Variants in NIBAN2 observed in about 807,000 individuals in gnomAD.
The protein encoded by NIBAN2 is protein Niban 2.
Under a neutral mutation model 81.8 loss-of-function variants are expected in NIBAN2, and 36 were observed. The ratio of observed to expected loss-of-function variants is 0.44; its 90% CI spans 0.34 to 0.58. The LOEUF (loss-of-function observed/expected upper bound fraction) is 0.58. Ranked by LOEUF, NIBAN2 falls within the 20% of genes least tolerant of loss-of-function variation. The pLI is 0.02. For missense variants in NIBAN2, 897 were observed against 1,014.1 expected (o/e 0.88, Z 1.57); for synonymous variants, 445 against 441.6 (o/e 1.01, Z -0.10).
At chr9:127,565,208 C>T (rs1837837843) in intron 1 of NIBAN2, among the ~76,000 whole-genome samples, 1 of 152,048 alleles carries the variant, frequency 6.6e-6, no homozygotes, top group Non-Finnish European at 1.5e-5. Flanking sequence ...GCAATCCGCC[C>T]TCCTCAGCCT....
At chr9:127,543,057 T>C (rs551195579) in intron 1 of NIBAN2, among the ~76,000 whole-genome samples, 2 of 152,218 alleles carry the variant, frequency 1.3e-5, no homozygotes, top group Non-Finnish European at 2.9e-5. Context: ...AAAAACCTCT[T>C]CCCTTAAAGA....
chr9:127,573,308 T>G (rs1392467454), upstream of NIBAN2, among the ~76,000 whole-genome samples: 1 of 150,862 alleles, frequency 6.6e-6, no homozygotes. Flanking sequence ...GAACAGAATT[T>G]GTTGTTTTTT....
At position 127,508,305 on chromosome 9, in the gene NIBAN2, G is replaced by A. The variant is rs988249759; in HGVS notation, c.1435-105C>T. 17 of 1,313,578 alleles carry A rather than the reference G, an allele frequency of 1.3e-5. No homozygotes were observed. In the East Asian group the frequency reaches 1.6e-4, roughly 12 times the overall value. The allele number at this position is 1,313,578 out of a possible 1,614,324, so 81.4% of individuals were successfully genotyped here. A position where few individuals can be genotyped will look rare whatever the true frequency, so the allele number is the denominator to read the frequency against. ...GACCCAAGCCTCCGAGTCCTCATCC[G>A]CACAAGAGGACCATGGCGCCTCCTT... On this transcript the variant is annotated intron_variant, in intron 11 of 13. Coordinates refer to ENST00000373312, the MANE Select transcript of NIBAN2 (RefSeq NM_022833.4). The surrounding 1 kb of genome is among the most constrained non-coding windows in gnomAD (Gnocchi z 6.4).
At chr9:127,574,785 G>A (rs1235487753) in intron 1 of NIBAN2, among the ~76,000 whole-genome samples, 3 of 152,190 alleles carry the variant, frequency 2.0e-5, no homozygotes, top group African/African-American at 7.2e-5. Flanking sequence ...TTGTGCAGAA[G>A]GGACCCTGGC....
intron 1 of NIBAN2, among the ~76,000 whole-genome samples, chr9:127,540,102 T>G (rs889782766): frequency 1.3e-5 from 2 of 152,192 alleles, no homozygotes; most frequent in Non-Finnish European, 2.9e-5. Flanking sequence ...AAACAGAGGC[T>G]GAGCATGCAG....
At chr9:127,535,513 G>A (rs911818304) in intron 1 of NIBAN2, among the ~76,000 whole-genome samples, 1 of 152,234 alleles carries the variant, frequency 6.6e-6, no homozygotes, top group East Asian at 1.9e-4. Flanking sequence ...GGGAGTGCAG[G>A]GACCCCGCTG....
chr9:127,507,067 G>A lies in NIBAN2; in HGVS notation c.2019C>T (p.Leu673=), dbSNP rs778690363. 2.3e-5 allele frequency: 36 copies of A among 1,576,884 alleles called. No individual in the cohort carries two copies. Among genetic ancestry groups the A allele is most frequent in the Admixed American group, 9.2e-5 (5 of 54,150 alleles). ...GACTCTCCCCAGCGGGGGCCCCGTT[G>A]AGCAGGGGGCCGGCTGGTGGGGGGC... ...PESPPPAGPL[L]NGAPAGESPQ... is the part of the protein sequence containing the mutation. The change falls in exon 14 of 14, where the codon CTC becomes CTT. Residue 673 remains leucine (L), a synonymous_variant. Transcript: ENST00000373312. The surrounding 1 kb of genome is among the most constrained non-coding windows in gnomAD (Gnocchi z 6.8).
chr9:127,527,267 T>C lies in NIBAN2; in HGVS notation c.242A>G (p.Asp81Gly). ...FSGNLFQHQE[D>G]SKKWRNRFSL... ...GAAGCGGTTTCTCCACTTCTTGCTG[T>C]CCTCCTGGTGCTGGAAGAGGTTCCC... is the stretch of plus-strand genomic sequence containing the variant. The change falls in exon 3 of 14, where the codon GAC (aspartate) becomes GGC (glycine). Residue 81 changes from aspartate (D) to glycine (G), a missense_variant. Asp to Gly is a moderately conservative substitution (Grantham distance 94). Coordinates refer to ENST00000373312, the MANE Select transcript of NIBAN2 (RefSeq NM_022833.4). 3 of 1,613,640 alleles carry C rather than the reference T, an allele frequency of 1.9e-6. No individual in the cohort carries two copies. Among genetic ancestry groups the C allele is most frequent in the Non-Finnish European group, 2.5e-6 (3 of 1,179,918 alleles).
chr9:127,509,149 G>A lies in NIBAN2; in HGVS notation c.1162-18C>T, dbSNP rs751841090. ...TCCATGTACTGCAGGGGCCGGGGCC[G>A]CGGGGGCTGAGCAGGGCCGCCCTGT... On this transcript the variant is annotated intron_variant, in intron 9 of 13. Transcript: ENST00000373312. 2.4e-5 allele frequency: 38 copies of A among 1,600,840 alleles called. No homozygotes were observed. The highest frequency in any genetic ancestry group is 1.1e-4 in the South Asian group (10 of 90,440).
chr9:127,533,348 T>A (rs1837219115), intron 1 of NIBAN2, among the ~76,000 whole-genome samples: 1 of 152,194 alleles, frequency 6.6e-6, no homozygotes, highest in African/African-American at 2.4e-5. Flanking sequence ...TCCCAGCTAC[T>A]CGGGAGGCTG....
intron 1 of NIBAN2, among the ~76,000 whole-genome samples, chr9:127,546,110 G>A (rs954476126): frequency 6.6e-6 from 1 of 152,326 alleles, no homozygotes; most frequent in Admixed American, 6.5e-5. Context: ...CCACGCCCAA[G>A]GAGGAGGCTG....
chr9:127,510,933 T>C (rs1241088195), intron 8 of NIBAN2, among the ~76,000 whole-genome samples: 1 of 152,206 alleles, frequency 6.6e-6, no homozygotes, highest in South Asian at 2.1e-4. Context: ...CATGGGTACA[T>C]TGTGTGACCC....
chr9:127,527,361 G>A (rs530237143), intron 2 of NIBAN2, 39 bp from the exon 3 acceptor site: 2 of 1,566,378 alleles, frequency 1.3e-6, no homozygotes, highest in African/African-American at 1.4e-5. Flanking sequence ...GCCCAGGTCT[G>A]GGGGGGTGGT....
At chr9:127,567,881 C>T (rs897980825) in intron 1 of NIBAN2, among the ~76,000 whole-genome samples, 1 of 152,124 alleles carries the variant, frequency 6.6e-6, no homozygotes, top group Non-Finnish European at 1.5e-5. Flanking sequence ...AGGAGAAAAC[C>T]AAGGTGTACA....
intron 1 of NIBAN2, among the ~76,000 whole-genome samples, chr9:127,555,961 C>G (rs1490406608): frequency 6.6e-6 from 1 of 151,956 alleles, no homozygotes; most frequent in Non-Finnish European, 1.5e-5. Flanking sequence ...TCAGTGGGTG[C>G]CCACCCCAAG....
At chr9:127,542,353 T>C (rs1240792648) in intron 1 of NIBAN2, among the ~76,000 whole-genome samples, 1 of 152,086 alleles carries the variant, frequency 6.6e-6, no homozygotes, top group East Asian at 1.9e-4. Context: ...GGCCTCCTGG[T>C]GGGTAAAGGT....
chr9:127,514,211 G>C (rs1836783904), intron 8 of NIBAN2, among the ~76,000 whole-genome samples: 1 of 150,050 alleles, frequency 6.7e-6, no homozygotes, highest in African/African-American at 2.5e-5. Flanking sequence ...AGGGGTTGCG[G>C]TGAGCTGAGA....
chr9:127,539,383 A>G (rs1837336879), intron 1 of NIBAN2, among the ~76,000 whole-genome samples: 1 of 152,154 alleles, frequency 6.6e-6, no homozygotes, highest in South Asian at 2.1e-4. Flanking sequence ...GAGGCAACAC[A>G]AGGCTTTACT....
intron 1 of NIBAN2, among the ~76,000 whole-genome samples, chr9:127,550,169 C>T (rs1837549807): frequency 6.6e-6 from 1 of 152,184 alleles, no homozygotes; most frequent in Non-Finnish European, 1.5e-5. Flanking sequence ...GACAAGCCCC[C>T]CACCCTTCCT....
Sources: allele counts gnomAD v4.1 joint callset (sites outside exome capture counted in the v4.1 genomes callset), GRCh38; gene constraint gnomAD v4.1.1; non-coding constraint Gnocchi (gnomAD v3.1); transcripts MANE v1.5; gene names NCBI Gene and HGNC (gene_info 2026-07-23, HGNC 2026-07-21).